The following PCYT2 variants were observed in gnomAD, a reference collection of about 807,000 sequenced individuals.
PCYT2 encodes the protein ethanolamine-phosphate cytidylyltransferase.
Under a neutral mutation model 50.0 loss-of-function variants are expected in PCYT2, and 33 were observed. That is an observed-to-expected ratio of 0.66 (90% CI 0.50 to 0.88). The LOEUF is 0.88. Ranked by LOEUF, PCYT2 falls within the 40% of genes least tolerant of loss-of-function variation. The pLI, the probability that PCYT2 is intolerant of heterozygous loss-of-function variation, is 0.00. For missense variants in PCYT2, 430 were observed against 519.7 expected, an observed-to-expected ratio of 0.83 and a Z score of 1.68; for synonymous variants, 240 against 203.7, an observed-to-expected ratio of 1.18 and a Z score of -1.52.
chr17:81,905,213 T>A, intron 11 of PCYT2, 59 bp from the exon 12 acceptor site: 1 of 1,454,396 alleles, frequency 6.9e-7, no homozygotes, highest in South Asian at 1.2e-5. Context: ...CCAAGACCCA[T>A]CTGATGCCCT....
chr17:81,905,187 G>T lies in PCYT2; in HGVS notation c.970-33C>A, dbSNP rs370910127. ...TCCAGAGAGGAGGAGCGGGATGAAG[G>T]TCCCTGCTGACCTCCCCAAGACCCA... On this transcript the variant is annotated intron_variant, in intron 11 of 12. Coordinates refer to ENST00000538936, the MANE Select transcript of PCYT2 (RefSeq NM_002861.5). The T allele has an allele frequency of 4.5e-5, 70 of 1,568,470 alleles. No individual in the cohort carries two copies. The African/African-American group carries it at 8.0e-4, about 18-fold the overall frequency.
intron 1 of PCYT2, among the ~76,000 whole-genome samples, chr17:81,909,989 G>C (rs1031898772): frequency 4.6e-5 from 7 of 152,176 alleles, no homozygotes; most frequent in Admixed American, 6.5e-5. Flanking sequence ...GTTAACTCTT[G>C]GGGTAGGGTT....
rs1287505074 is a variant in PCYT2 at position 81,904,552 on chromosome 17, G to T, written c.*281C>A. 2 of 427,832 alleles carry T rather than the reference G, an allele frequency of 4.7e-6. No individual in the cohort carries two copies. Among genetic ancestry groups the T allele is most frequent in the East Asian group, 8.0e-5 (2 of 24,980 alleles). The allele number at this position is 427,832 out of a possible 1,614,324, so 26.5% of individuals were successfully genotyped here. A position where few individuals can be genotyped will look rare whatever the true frequency, so the allele number is the denominator to read the frequency against. ...GTGGGGGCATCCGGGGACCAGGTGG[G>T]GGCGCACGCAGGAGCGGTGCGTTTC... On this transcript the variant is annotated 3_prime_UTR_variant, in exon 13 of 13. Transcript: ENST00000538936.
At chr17:81,905,797 C>A in intron 9 of PCYT2, 62 bp from the exon 10 acceptor site, 1 of 1,538,526 alleles carries the variant, frequency 6.5e-7, no homozygotes, top group Non-Finnish European at 9.0e-7. Flanking sequence ...GCCAGGGCCA[C>A]AGGGTGGTGA....
chr17:81,908,359 G>A (rs753323507), intron 4 of PCYT2, among the ~76,000 whole-genome samples: 5 of 152,254 alleles, frequency 3.3e-5, no homozygotes, highest in Non-Finnish European at 7.3e-5. Flanking sequence ...GAGCCCTGGG[G>A]CCATGGGTCT....
rs1316253216 is a variant in PCYT2, at chr17:81,902,557, G to A, written c.*2276C>T. The A allele has an allele frequency of 2.7e-6, 4 of 1,495,442 alleles. No individual in the cohort carries two copies. The highest frequency in any genetic ancestry group is 2.7e-5 in the East Asian group (1 of 36,494). 92.6% of individuals were successfully genotyped at this position (1,495,442 alleles called of 1,614,324 possible). ...TCCGGCGTGCCGGGGACTGATGGGG[G>A]GCGGCGGCAGGACGTGGGTGGGGGT... On this transcript the variant is annotated 3_prime_UTR_variant, in exon 13 of 13. Transcript: ENST00000538936.
rs1320071075 is a variant in PCYT2 at position 81,905,242 on chromosome 17, C to T, written c.970-88G>A. ...ATGCCCTGCCCCAGAGGGAGACCAG[C>T]GCCCAGGGTCCCATGGGAGTGGTGC... On this transcript the variant is annotated intron_variant, in intron 11 of 12. Coordinates refer to ENST00000538936, the MANE Select transcript of PCYT2 (RefSeq NM_002861.5). 12 of 1,351,266 alleles carry T rather than the reference C, an allele frequency of 8.9e-6. No individual in the cohort carries two copies. The Admixed American group carries it at 1.8e-4, about 20-fold the overall frequency. The allele number at this position is 1,351,266 out of a possible 1,614,324, so 83.7% of individuals were successfully genotyped here.
chr17:81,906,590 G>A, intron 7 of PCYT2, 44 bp from the exon 8 acceptor site: 14 of 1,594,072 alleles, frequency 8.8e-6, no homozygotes, highest in African/African-American at 1.3e-5. Context: ...ATGACAGGGA[G>A]CAGCTCCCTG....
chr17:81,907,733 C>T, intron 5 of PCYT2, 40 bp downstream of exon 5: 1 of 1,602,482 alleles, frequency 6.2e-7, no homozygotes, highest in Non-Finnish European at 8.5e-7. Context: ...CCCCTGGAGA[C>T]CTCGACCCAG....
chr17:81,907,830 G>T lies in PCYT2; in HGVS notation c.435C>A (p.Ser145=), dbSNP rs773353790. ...GCATGCGGCCCACGAGGTCTGTGGT[G>T]GACACCCCTTGCGTGCGCTTGCATT... ...YRECKRTQGV[S]TTDLVGRMLL... Residue 145 remains serine, a synonymous_variant, in exon 5 of 13, where the codon TCC becomes TCA. Transcript: ENST00000538936. The T allele has an allele frequency of 2.5e-6, 4 of 1,612,718 alleles. No homozygotes were observed. Among genetic ancestry groups the T allele is most frequent in the Non-Finnish European group, 8.5e-7 (1 of 1,179,604 alleles).
chr17:81,911,135 G>T (rs1017563437), intron 1 of PCYT2, 132 bp downstream of exon 1: 4 of 1,001,778 alleles, frequency 4.0e-6, no homozygotes, highest in Non-Finnish European at 4.8e-6. Flanking sequence ...CCCGCAGCCT[G>T]CCAGCCCCGG....
At position 81,902,852 on chromosome 17, in the gene PCYT2, TC is replaced by T; in HGVS notation, c.*1980del. ...GGATGGCGCCCCAGGTCTCCCCTAC[TC>T]CGCTCACCCCGCAGTTAATGGCAAA... is the stretch of plus-strand genomic sequence containing the variant. On this transcript the variant is annotated 3_prime_UTR_variant, in exon 13 of 13. Coordinates refer to ENST00000538936, the MANE Select transcript of PCYT2 (RefSeq NM_002861.5). 1.0e-6 allele frequency: 1 copy of T among 1,004,214 alleles called. No homozygotes were observed. The highest frequency in any genetic ancestry group is 2.9e-5 in the East Asian group (1 of 35,030). 62.2% of individuals were successfully genotyped at this position (1,004,214 alleles called of 1,614,324 possible).
intron 5 of PCYT2, 33 bp downstream of exon 5, chr17:81,907,740 C>T (rs2040355230): frequency 1.9e-6 from 3 of 1,608,908 alleles, no homozygotes; most frequent in Non-Finnish European, 2.5e-6. Context: ...AGACCTCGAC[C>T]CAGGGGCCTC....
rs1449723414 is a variant in PCYT2, at chr17:81,906,524, C to T, written c.699G>A (p.Leu233=). The T allele has an allele frequency of 1.9e-6, 3 of 1,613,422 alleles. No homozygotes were observed. The African/African-American group carries it at 4.0e-5, about 22-fold the overall frequency. Residue 233 remains leucine (L), a synonymous_variant, in exon 8 of 13, where the codon CTG becomes CTA. Coordinates refer to ENST00000538936, the MANE Select transcript of PCYT2 (RefSeq NM_002861.5). ...DLFHIGHVDF[L]EKVHRLAERP... is the part of the protein sequence containing the mutation. Reference sequence around the variant, plus strand: ...TCTCTGCCAGCCTGTGCACCTTCTCCAGGAAGTCCACATGCCCGATGTCTG... The same window carrying T: ...TCTCTGCCAGCCTGTGCACCTTCTCTAGGAAGTCCACATGCCCGATGTCTG...
chr17:81,909,718 G>C (rs1358646598), intron 1 of PCYT2, 116 bp from the exon 2 acceptor site: 1 of 754,834 alleles, frequency 1.3e-6, no homozygotes, highest in Non-Finnish European at 2.4e-6. Context: ...GCTCTGAGAA[G>C]CTGCTGCTGG....
At position 81,907,591 on chromosome 17, in the gene PCYT2, G is replaced by A. The variant is rs1283935305; in HGVS notation, c.500C>T (p.Ser167Phe). Residue 167 changes from serine (S) to phenylalanine (F), a missense_variant, in exon 6 of 13, where the codon TCC (serine) becomes TTC (phenylalanine). Physicochemically the swap from Ser to Phe is radical, Grantham distance 155. This residue lies in a region of PCYT2 where 248 missense variants were observed against 300.2 expected (regional missense o/e 0.83). Coordinates refer to ENST00000538936, the MANE Select transcript of PCYT2 (RefSeq NM_002861.5). ...TKAHHSSQEM[S>F]SEYREYADSF... ...GTCTGCATACTCCCGGTACTCAGAG[G>A]ACATCTCCTGCACAGAAGGTCAGAG... 4 of 1,611,914 alleles carry A rather than the reference G, an allele frequency of 2.5e-6. No individual in the cohort carries two copies. The highest frequency in any genetic ancestry group is 2.5e-6 in the Non-Finnish European group (3 of 1,179,474).
At chr17:81,907,717 T>G (rs776775611) in intron 5 of PCYT2, 56 bp downstream of exon 5, 59 of 1,595,212 alleles carry the variant, frequency 3.7e-5, no homozygotes, top group Non-Finnish European at 4.8e-5. Context: ...GAGGTGCCCC[T>G]CCTTTCCCCT....
chr17:81,903,718 C>T lies in PCYT2; in HGVS notation c.*1115G>A, dbSNP rs990413006. The T allele has an allele frequency of 7.9e-5, 12 of 152,302 alleles. No homozygotes were observed. The highest frequency in any genetic ancestry group is 1.6e-4 in the Non-Finnish European group (11 of 68,132). 9.4% of individuals were successfully genotyped at this position (152,302 alleles called of 1,614,324 possible). A position where few individuals can be genotyped will look rare whatever the true frequency, so the allele number is the denominator to read the frequency against. On this transcript the variant is annotated 3_prime_UTR_variant, in exon 13 of 13. Coordinates refer to ENST00000538936, the MANE Select transcript of PCYT2 (RefSeq NM_002861.5). The stretch of plus-strand genomic sequence containing the variant: ...GCTGTGGAGAGCCTCGCGTGCACCT[C>T]GCCTCCAGCTCCTGTGCTGGGTCGT...
In PCYT2 at chr17:81,911,328, C is replaced by G. The variant is rs866299949; in HGVS notation, c.28G>C (p.Gly10Arg). 2.7e-6 allele frequency: 3 copies of G among 1,121,424 alleles called. No individual in the cohort carries two copies. The highest frequency in any genetic ancestry group is 7.8e-4 in the Middle Eastern group (2 of 2,552). The allele number at this position is 1,121,424 out of a possible 1,614,324, so 69.5% of individuals were successfully genotyped here. A position where few individuals can be genotyped will look rare whatever the true frequency, so the allele number is the denominator to read the frequency against. MIRNGRGAA[G>R]GAEQPGPGGR... is the part of the protein sequence containing the mutation. ...CCCGGGCCCGGCTGCTCTGCGCCGC[C>G]TGCAGCCCCGCGCCCGTTCCGGATC... Residue 10 changes from glycine (G) to arginine (R), a missense_variant, in exon 1 of 13, where the codon GGC (glycine) becomes CGC (arginine). Coordinates refer to ENST00000538936, the MANE Select transcript of PCYT2 (RefSeq NM_002861.5).
Sources: gnomAD v4.1 joint callset for allele counts (sites outside exome capture counted in the v4.1 genomes callset) on GRCh38, gnomAD v4.1.1 for gene constraint, gnomAD v4.1.1 regional missense constraint, MANE v1.5 for transcripts, NCBI Gene and HGNC (gene_info 2026-07-23, HGNC 2026-07-21) for gene names.